Variants in CPEB3 observed in about 807,000 individuals in gnomAD.
CPEB3 encodes cytoplasmic polyadenylation element binding protein 3, also known as cytoplasmic polyadenylation element-binding protein 3.
CPEB3 carries 20 observed loss-of-function variants against 67.2 expected under a neutral mutation model. The ratio of observed to expected loss-of-function variants is 0.30; its 90% CI spans 0.21 to 0.43. The LOEUF is 0.43. CPEB3 is among the 20% of genes least tolerant of loss of function. The probability of loss-of-function intolerance (pLI) is 1.00; values close to 1 mark genes in which losing one functional copy is unlikely to be tolerated. For synonymous variants in CPEB3, 376 were observed against 393.1 expected, an observed-to-expected ratio of 0.96 and a Z score of 0.51; for missense variants, 746 against 968.6, an observed-to-expected ratio of 0.77 and a Z score of 3.05.
chr10:92,225,253 G>A (rs1284485723), intron 2 of CPEB3, among the ~76,000 whole-genome samples: 3 of 152,034 alleles, frequency 2.0e-5, no homozygotes, highest in African/African-American at 4.8e-5. Context: ...GATTACAGGC[G>A]TGAGCCACCG....
At chr10:92,266,832 G>A (rs1165960300) in intron 1 of CPEB3, among the ~76,000 whole-genome samples, 4 of 152,002 alleles carry the variant, frequency 2.6e-5, no homozygotes, top group Admixed American at 1.3e-4. Context: ...TCAGGAGTTC[G>A]AGACGAGCCT....
chr10:92,255,860 C>G (rs1275431436), intron 1 of CPEB3, among the ~76,000 whole-genome samples: 2 of 152,148 alleles, frequency 1.3e-5, no homozygotes, highest in Non-Finnish European at 2.9e-5. Flanking sequence ...ACAGTCTCCC[C>G]CAGGGTTCTC....
chr10:92,147,402 G>C (rs1846738698), intron 4 of CPEB3, among the ~76,000 whole-genome samples: 1 of 152,084 alleles, frequency 6.6e-6, no homozygotes, highest in Admixed American at 6.5e-5. Context: ...GTTGCAGTGA[G>C]CTGAGACCAC....
intron 1 of CPEB3, among the ~76,000 whole-genome samples, chr10:92,286,792 C>T (rs1564934286): frequency 6.6e-6 from 1 of 152,052 alleles, no homozygotes; most frequent in African/African-American, 2.4e-5. Flanking sequence ...ATTTCTGTAA[C>T]GAATACTCCA....
chr10:92,202,728 A>T (rs1198866079), intron 2 of CPEB3, among the ~76,000 whole-genome samples: 1 of 151,802 alleles, frequency 6.6e-6, no homozygotes, highest in Non-Finnish European at 1.5e-5. Flanking sequence ...AATCAGGGCA[A>T]AATGCAGATT....
At chr10:92,093,239 A>T (rs1344832274) in intron 7 of CPEB3, among the ~76,000 whole-genome samples, 1 of 152,142 alleles carries the variant, frequency 6.6e-6, no homozygotes, top group Non-Finnish European at 1.5e-5. Flanking sequence ...GGAACATGCC[A>T]TTCCCCCTCC....
chr10:92,117,173 G>A (rs1040294973), intron 6 of CPEB3, among the ~76,000 whole-genome samples: 33 of 150,490 alleles, frequency 2.2e-4, no homozygotes, highest in African/African-American at 6.6e-4. Context: ...ACAGGTGCCC[G>A]CCACCATACC....
intron 1 of CPEB3, among the ~76,000 whole-genome samples, chr10:92,280,987 T>A (rs1327537940): frequency 6.6e-6 from 1 of 151,774 alleles, no homozygotes; most frequent in Non-Finnish European, 1.5e-5. Flanking sequence ...CTCGAACTCC[T>A]GATCTCAGGT....
intron 6 of CPEB3, among the ~76,000 whole-genome samples, chr10:92,125,993 A>G (rs1054738764): frequency 4.6e-5 from 7 of 152,146 alleles, no homozygotes; most frequent in Admixed American, 3.9e-4. Context: ...AAAAGTACTT[A>G]GATTACAGGC....
intron 6 of CPEB3, among the ~76,000 whole-genome samples, chr10:92,136,044 G>A (rs1004800611): frequency 1.3e-5 from 2 of 152,002 alleles, no homozygotes; most frequent in Non-Finnish European, 2.9e-5. Flanking sequence ...ATAGCATTAG[G>A]AGAAATACCT....
chr10:92,152,188 C>T (rs534188305), intron 4 of CPEB3, among the ~76,000 whole-genome samples: 3 of 152,310 alleles, frequency 2.0e-5, no homozygotes, highest in South Asian at 2.1e-4. Context: ...TCAAAGTAAG[C>T]CTTTTCTTGC....
chr10:92,170,919 T>C (rs1449595611), intron 4 of CPEB3, among the ~76,000 whole-genome samples: 2 of 152,174 alleles, frequency 1.3e-5, no homozygotes, highest in African/African-American at 4.8e-5. Context: ...CAACTGTATA[T>C]AAAGACTCAA....
chr10:92,289,728 A>ATATAT (rs1554944282), intron 1 of CPEB3, among the ~76,000 whole-genome samples: 1 of 118,374 alleles, frequency 8.4e-6, no homozygotes, highest in Non-Finnish European at 1.7e-5. Context: ...CAAAAAAAAA[A>ATATAT]AAAAATATAT....
chr10:92,273,068 C>A (rs951518985), intron 1 of CPEB3, among the ~76,000 whole-genome samples: 1 of 152,086 alleles, frequency 6.6e-6, no homozygotes, highest in Non-Finnish European at 1.5e-5. Flanking sequence ...ATAAACGAAC[C>A]AGACTTGGTG....
At chr10:92,268,696 T>C (rs951287922) in intron 1 of CPEB3, among the ~76,000 whole-genome samples, 6 of 152,152 alleles carry the variant, frequency 3.9e-5, no homozygotes, top group African/African-American at 1.4e-4. Flanking sequence ...TGAAATTTCA[T>C]TGAGTGTACA....
chr10:92,195,453 G>A (rs532486049), intron 2 of CPEB3, among the ~76,000 whole-genome samples: 1 of 152,254 alleles, frequency 6.6e-6, no homozygotes, highest in Non-Finnish European at 1.5e-5. Flanking sequence ...TGAATTTCCA[G>A]AAATGCAGGC....
rs757992562 is a variant in CPEB3 at position 92,081,240 on chromosome 10, A to T, written c.1869+80T>A. On this transcript the variant is annotated intron_variant, in intron 9 of 9. Transcript: ENST00000265997. ...GGTAGAGCTGGTCACTTATGATCATAAGGTGCCTTTCTTCCCAGGAAACTA... is the reference window on the plus strand; with the variant it reads ...GGTAGAGCTGGTCACTTATGATCATTAGGTGCCTTTCTTCCCAGGAAACTA... 827 of 1,457,082 alleles carry T rather than the reference A, an allele frequency of 5.7e-4. 1 individual carries two copies. The highest frequency in any genetic ancestry group is 6.9e-4 in the Admixed American group (41 of 59,676). 90.3% of individuals were successfully genotyped at this position (1,457,082 alleles called of 1,614,324 possible).
At chr10:92,166,792 T>C (rs1363279560) in intron 4 of CPEB3, among the ~76,000 whole-genome samples, 1 of 152,110 alleles carries the variant, frequency 6.6e-6, no homozygotes, top group African/African-American at 2.4e-5. Context: ...AACAAGAGAG[T>C]CAGCCTATCC....
At chr10:92,251,083 C>T (rs1383355213) in intron 1 of CPEB3, among the ~76,000 whole-genome samples, 1 of 151,992 alleles carries the variant, frequency 6.6e-6, no homozygotes, top group African/African-American at 2.4e-5. Flanking sequence ...AAATACCTAC[C>T]ATTGTGTTAC....
Sources: allele counts gnomAD v4.1 joint callset (sites outside exome capture counted in the v4.1 genomes callset), GRCh38; gene constraint gnomAD v4.1.1; transcripts MANE v1.5; gene names NCBI Gene and HGNC (gene_info 2026-07-23, HGNC 2026-07-21).